PISD: variants seen among roughly 807,000 people sequenced by gnomAD.
PISD encodes the protein phosphatidylserine decarboxylase proenzyme, mitochondrial.
A neutral mutation model predicts 43.5 loss-of-function variants in PISD; 31 were observed. The ratio of observed to expected loss-of-function variants is 0.71; its 90% CI spans 0.54 to 0.96. PISD has a LOEUF of 0.96. Among genes scored for constraint, PISD ranks in the 40% least tolerant of loss-of-function variants. The probability of loss-of-function intolerance (pLI) is 0.00; values close to 1 mark genes in which losing one functional copy is unlikely to be tolerated. For synonymous variants in PISD, 259 were observed against 228.7 expected, an observed-to-expected ratio of 1.13 and a Z score of -1.20; for missense variants, 523 against 548.4, an observed-to-expected ratio of 0.95 and a Z score of 0.46.
In PISD at chr22:31,621,052, T is replaced by A; in HGVS notation, c.788A>T (p.Tyr263Phe). 1 of 1,613,908 alleles carries A rather than the reference T, an allele frequency of 6.2e-7. No individual in the cohort carries two copies. The highest frequency in any genetic ancestry group is 8.5e-7 in the Non-Finnish European group (1 of 1,179,880). The change falls in exon 6 of 8, where the codon TAC (tyrosine) becomes TTC (phenylalanine). Residue 263 changes from tyrosine to phenylalanine, a missense_variant. Tyr to Phe is a conservative substitution (Grantham distance 22, BLOSUM62 3). Coordinates refer to ENST00000439502, the MANE Select transcript of PISD (RefSeq NM_001326411.2). The stretch of plus-strand genomic sequence containing the variant: ...GTCGGTGGGGGAGTGGAAGCAGTGG[T>A]AGTCCCCAGGGGCCAGGTAGATGAC... ...HCVIYLAPGD[Y>F]HCFHSPTDWT... is the part of the protein sequence containing the mutation.
Position 31,619,369 on chromosome 22 carries a change from C to A in PISD, c.*243G>T. The A allele has an allele frequency of 1.7e-6, 1 of 595,006 alleles. No individual in the cohort carries two copies. The highest frequency in any genetic ancestry group is 1.6e-5 in the South Asian group (1 of 62,758). 36.9% of individuals were successfully genotyped at this position (595,006 alleles called of 1,614,324 possible). On this transcript the variant is annotated 3_prime_UTR_variant, in exon 8 of 8. Transcript: ENST00000439502. ...CAAATGTGACTGAGATCATTCCAGC[C>A]TGCACTTTTTATTTGTAGGCAGAAG...
Position 31,659,462 on chromosome 22 carries a change from G to A in PISD, c.65+2682C>T, listed in dbSNP as rs139584294. On this transcript the variant is annotated intron_variant, in intron 1 of 7. Coordinates refer to ENST00000439502, the MANE Select transcript of PISD (RefSeq NM_001326411.2). ...AATATTTCTGATGGAAGTCATGCAC[G>A]AGAAGCTACTTCCTAGGTACTATTG... 1.2e-4 allele frequency among the ~76,000 whole-genome samples: 19 copies of A among 152,232 alleles called. No homozygotes were observed. In the East Asian group the frequency reaches 2.5e-3, roughly 20 times the overall value.
At position 31,619,224 on chromosome 22, in the gene PISD, C is replaced by CCAA. The variant is rs1406916741; in HGVS notation, c.*385_*387dup. 6.1e-6 allele frequency: 2 copies of CCAA among 329,040 alleles called. No individual in the cohort carries two copies. Among genetic ancestry groups the CCAA allele is most frequent in the Admixed American group, 8.8e-5 (2 of 22,844 alleles). 20.4% of individuals were successfully genotyped at this position (329,040 alleles called of 1,614,324 possible). On this transcript the variant is annotated 3_prime_UTR_variant, in exon 8 of 8. Coordinates refer to ENST00000439502, the MANE Select transcript of PISD (RefSeq NM_001326411.2). ...CGTTAAGGCCAAAAAACAAAAGGGG[C>CCAA]CAACAGAAAACAGCTCAGGTGATGG... is the stretch of plus-strand genomic sequence containing the variant.
At chr22:31,648,598 C>T (rs954273866) in intron 2 of PISD, among the ~76,000 whole-genome samples, 3 of 150,098 alleles carry the variant, frequency 2.0e-5, no homozygotes, top group African/African-American at 7.4e-5. Context: ...ACCTGGGAGG[C>T]GGAGCTTGCA....
At chr22:31,629,270 T>C in intron 3 of PISD, 1 of 975,526 alleles carries the variant, frequency 1.0e-6, no homozygotes, top group Non-Finnish European at 1.2e-6. Flanking sequence ...TGTGTGTGCA[T>C]GGAGGATACG....
chr22:31,637,151 AAAAAAAAAAAAAAATATATATATATATAT>A (rs1449937135), intron 3 of PISD, among the ~76,000 whole-genome samples: 21 of 21,444 alleles, frequency 9.8e-4, no homozygotes, highest in Middle Eastern at 0.022. Context: ...ATTAAAAAAA[AAAAAAAAAAAAAAATATATATATATATAT>A]ATATATATAT....
chr22:31,657,135 G>A (rs932738993), intron 1 of PISD, among the ~76,000 whole-genome samples: 1 of 151,978 alleles, frequency 6.6e-6, no homozygotes, highest in Admixed American at 6.6e-5. Context: ...TACTCTTTTA[G>A]TGTTTTGTTT....
At chr22:31,644,673 T>C (rs1472750834) in intron 3 of PISD, among the ~76,000 whole-genome samples, 1 of 152,230 alleles carries the variant, frequency 6.6e-6, no homozygotes, top group Non-Finnish European at 1.5e-5. Context: ...CAGACAGCCA[T>C]TCAACACTCT....
In PISD at chr22:31,630,701, C is replaced by T. The variant is rs1225417723; in HGVS notation, c.322-8816G>A. 4 of 983,584 alleles carry T rather than the reference C, an allele frequency of 4.1e-6. No homozygotes were observed. The highest frequency in any genetic ancestry group is 4.8e-6 in the Non-Finnish European group (4 of 828,372). 60.9% of individuals were successfully genotyped at this position (983,584 alleles called of 1,614,324 possible). On this transcript the variant is annotated intron_variant, in intron 3 of 7. Transcript: ENST00000439502. The surrounding 1 kb of genome is among the most constrained non-coding windows in gnomAD (Gnocchi z 4.4). ...TGCGACCGAAGGCCCTAGAAGGGCA[C>T]CCCCACCCGGCACTGGCCCTCTGAG...
intron 3 of PISD, chr22:31,626,079 T>G: frequency 1.4e-6 from 2 of 1,392,934 alleles, no homozygotes; most frequent in Non-Finnish European, 1.9e-6. Flanking sequence ...GGGCTTGCAG[T>G]CCAGTGCAAA....
At chr22:31,624,898 C>G (rs1344789573) in intron 3 of PISD, among the ~76,000 whole-genome samples, 2 of 152,180 alleles carry the variant, frequency 1.3e-5, no homozygotes, top group South Asian at 2.1e-4. Context: ...CACCACAACC[C>G]TGGCCTCCTG....
rs1379159793 is a variant in PISD at position 31,621,125 on chromosome 22, A to G, written c.715T>C (p.Phe239Leu). ...TCCCGGGTGACCAGCTGGTTCTTGA[A>G]GGAGTCACACGACGCGGCTGTGGAG... ...PFPPAASCDS[F>L]KNQLVTREGN... Residue 239 changes from phenylalanine to leucine, a missense_variant, in exon 6 of 8, where the codon TTC becomes CTC. Phe to Leu is a conservative substitution (Grantham distance 22). Transcript: ENST00000439502. The G allele has an allele frequency of 1.9e-6, 3 of 1,614,152 alleles. No individual in the cohort carries two copies. Among genetic ancestry groups the G allele is most frequent in the Non-Finnish European group, 2.5e-6 (3 of 1,180,026 alleles).
At chr22:31,637,118 C>CA (rs1304824916) in intron 3 of PISD, among the ~76,000 whole-genome samples, 9 of 84,644 alleles carry the variant, frequency 1.1e-4, no homozygotes, top group East Asian at 3.4e-4. Context: ...CAAAACTCTA[C>CA]AAAAAAAAAT....
chr22:31,621,876 A>G lies in PISD; in HGVS notation c.331T>C (p.Tyr111His). The change falls in exon 4 of 8, where the codon TAC (tyrosine) becomes CAC (histidine). Residue 111 changes from tyrosine to histidine, a missense_variant. By Grantham distance (83) the Tyr-to-His change is moderately conservative. Coordinates refer to ENST00000439502, the MANE Select transcript of PISD (RefSeq NM_001326411.2). Reference sequence around the variant, plus strand: ...AGCAAGCGCGTTGGCACTGACTTGTACAAAGCCACCTGCAGGCCACAGGGC... The same window carrying G: ...AGCAAGCGCGTTGGCACTGACTTGTGCAAAGCCACCTGCAGGCCACAGGGC... ...KLAGHWEVAL[Y>H]KSVPTRLLSR... The G allele has an allele frequency of 6.2e-7, 1 of 1,607,782 alleles. No individual in the cohort carries two copies. Among genetic ancestry groups the G allele is most frequent in the Non-Finnish European group, 8.5e-7 (1 of 1,179,780 alleles).
chr22:31,644,825 CA>C (rs2073837521), intron 3 of PISD, among the ~76,000 whole-genome samples: 1 of 152,158 alleles, frequency 6.6e-6, no homozygotes, highest in South Asian at 2.1e-4. Context: ...TGACAGGTCA[CA>C]GTCAAAACTT....
At chr22:31,623,750 G>C (rs146960059) in intron 3 of PISD, 161 of 1,614,074 alleles carry the variant, frequency 1.0e-4, no homozygotes, top group Middle Eastern at 9.9e-4. Flanking sequence ...GGAGGTAGTA[G>C]AGGACGGTCA....
intron 3 of PISD, among the ~76,000 whole-genome samples, chr22:31,645,668 G>A (rs1297911552): frequency 2.7e-5 from 4 of 147,230 alleles, no homozygotes; most frequent in Non-Finnish European, 6.0e-5. Context: ...ATGAGCCACC[G>A]CGCCCGGCCA....
chr22:31,631,144 C>T (rs1427591296), intron 3 of PISD, among the ~76,000 whole-genome samples: 2 of 152,232 alleles, frequency 1.3e-5, no homozygotes, highest in Admixed American at 6.5e-5. Flanking sequence ...CCTGTCTGTC[C>T]TCAGTCTGTC....
At chr22:31,639,160 T>A (rs2073613826) in intron 3 of PISD, among the ~76,000 whole-genome samples, 1 of 150,228 alleles carries the variant, frequency 6.7e-6, no homozygotes, top group Non-Finnish European at 1.5e-5. Flanking sequence ...CACCCCTGGC[T>A]AATTTTTCTT....
Sources: allele counts gnomAD v4.1 joint callset (sites outside exome capture counted in the v4.1 genomes callset), GRCh38; gene constraint gnomAD v4.1.1; non-coding constraint Gnocchi (gnomAD v3.1); transcripts MANE v1.5; gene names NCBI Gene and HGNC (gene_info 2026-07-23, HGNC 2026-07-21).